The following CNTLN variants were observed in gnomAD, a reference collection of about 807,000 sequenced individuals.
CNTLN encodes the protein centlein, centrosomal protein.
In CNTLN, 212 loss-of-function variants were observed where a neutral mutation model predicts 180.0. The observed-to-expected ratio is 1.18, with a 90% CI of 1.05 to 1.32. The LOEUF (loss-of-function observed/expected upper bound fraction) is 1.32, where lower values mean the gene tolerates loss of function less well. Among genes scored for constraint, CNTLN ranks in the 40% most tolerant of loss-of-function variants. The pLI is 0.00. For synonymous variants in CNTLN, 722 were observed against 563.1 expected, an observed-to-expected ratio of 1.28 and a Z score of -3.99; for missense variants, 2,095 against 1,610.9, an observed-to-expected ratio of 1.30 and a Z score of -5.14.
chr9:17,474,147 C>T (rs1007956326), intron 23 of CNTLN, among the ~76,000 whole-genome samples: 1 of 152,094 alleles, frequency 6.6e-6, no homozygotes, highest in African/African-American at 2.4e-5. Flanking sequence ...ACCTATGACT[C>T]CCTAATATAT....
At chr9:17,359,474 G>A (rs993044952) in intron 12 of CNTLN, among the ~76,000 whole-genome samples, 1 of 151,780 alleles carries the variant, frequency 6.6e-6, no homozygotes, top group Non-Finnish European at 1.5e-5. Context: ...CAGTATATAT[G>A]TCCAGGAAAG....
chr9:17,332,854 G>T (rs1396700846), intron 10 of CNTLN, 124 bp downstream of exon 10: 30 of 541,776 alleles, frequency 5.5e-5, no homozygotes, highest in Non-Finnish European at 8.4e-5. Context: ...CTGTATAAAA[G>T]TGTATAATCA....
At chr9:17,332,990 A>G (rs1820744530) in intron 10 of CNTLN, among the ~76,000 whole-genome samples, 1 of 152,052 alleles carries the variant, frequency 6.6e-6, no homozygotes, top group African/African-American at 2.4e-5. Flanking sequence ...ATTGGGAATA[A>G]ATTTCTTAAC....
At chr9:17,306,232 C>T (rs1036087533) in intron 7 of CNTLN, among the ~76,000 whole-genome samples, 4 of 151,240 alleles carry the variant, frequency 2.6e-5, no homozygotes, top group African/African-American at 9.7e-5. Context: ...TCATTGCAAC[C>T]TCTGCCTCCT....
Position 17,340,945 on chromosome 9 carries a change from G to A in CNTLN, c.1763G>A (p.Gly588Asp), listed in dbSNP as rs768560996. The change falls in exon 11 of 26, where the codon GGC becomes GAC. Residue 588 changes from glycine to aspartate, a missense_variant. Physicochemically the swap from Gly to Asp is moderately conservative, Grantham distance 94. Transcript: ENST00000380647. ...TTAAAACAGTGGGAAGAAGGCAGTG[G>A]CATGTGAGTTACATAGCTCATAAAG... is the stretch of plus-strand genomic sequence containing the variant. ...EQLKQWEEGSGMTEIRKIKRA... is the reference protein window; with the variant it reads ...EQLKQWEEGSDMTEIRKIKRA... 5.0e-6 allele frequency: 8 copies of A among 1,607,706 alleles called. No individual in the cohort carries two copies. In the African/African-American group the frequency reaches 9.4e-5, roughly 19 times the overall value.
At chr9:17,379,250 C>G (rs1825031207) in intron 13 of CNTLN, among the ~76,000 whole-genome samples, 1 of 151,800 alleles carries the variant, frequency 6.6e-6, no homozygotes, top group African/African-American at 2.4e-5. Context: ...TTCTCTAATC[C>G]TTTTGGATGT....
the CNTLN span, among the ~76,000 whole-genome samples, chr9:17,523,665 C>T: frequency 5.3e-5 from 8 of 152,284 alleles, no homozygotes; most frequent in East Asian, 1.2e-3. Flanking sequence ...TTTTATTTAA[C>T]GGTAGAACTG....
intron 5 of CNTLN, among the ~76,000 whole-genome samples, chr9:17,237,631 ATACTATGCCATTT>A (rs1220781747): frequency 6.6e-6 from 1 of 152,102 alleles, no homozygotes; most frequent in Non-Finnish European, 1.5e-5. Flanking sequence ...GTATTTGCAA[ATACTATGCCATTT>A]TATATAAGAG....
chr9:17,367,841 G>T (rs116136555), intron 13 of CNTLN, among the ~76,000 whole-genome samples: 4 of 148,454 alleles, frequency 2.7e-5, no homozygotes. Flanking sequence ...ATAACCAGCA[G>T]CAATACCCAG....
chr9:17,241,437 C>G (rs1825487284), intron 5 of CNTLN, among the ~76,000 whole-genome samples: 1 of 151,980 alleles, frequency 6.6e-6, no homozygotes, highest in Non-Finnish European at 1.5e-5. Flanking sequence ...ATGACAGTAC[C>G]ATGTCATTTT....
intron 2 of CNTLN, among the ~76,000 whole-genome samples, chr9:17,204,701 T>C (rs1309561521): frequency 6.6e-6 from 1 of 152,176 alleles, no homozygotes; most frequent in East Asian, 1.9e-4. Context: ...TAGTGCACTT[T>C]GCTGGGAGAA....
intron 7 of CNTLN, among the ~76,000 whole-genome samples, chr9:17,304,376 T>C (rs1445349352): frequency 1.3e-5 from 2 of 152,182 alleles, no homozygotes; most frequent in East Asian, 1.9e-4. Flanking sequence ...CCTTTATATA[T>C]GTGTATGAAT....
At chr9:17,190,853 CTT>C (rs1180987560) in intron 2 of CNTLN, among the ~76,000 whole-genome samples, 1 of 152,086 alleles carries the variant, frequency 6.6e-6, no homozygotes, top group African/African-American at 2.4e-5. Context: ...AGTTGAAAGA[CTT>C]TTTGGTAAAG....
At chr9:17,298,858 AG>A in intron 7 of CNTLN, 3 of 985,374 alleles carry the variant, frequency 3.0e-6, no homozygotes, top group Non-Finnish European at 3.6e-6. Context: ...TTTACTTTAC[AG>A]TTGTTTTAGG....
At chr9:17,382,079 G>A (rs1825296374) in intron 13 of CNTLN, among the ~76,000 whole-genome samples, 1 of 152,108 alleles carries the variant, frequency 6.6e-6, no homozygotes, top group Admixed American at 6.6e-5. Flanking sequence ...ACCATAGTAT[G>A]ATATAAAATC....
At chr9:17,515,344 A>AT in the CNTLN span, among the ~76,000 whole-genome samples, 1,109 of 152,134 alleles carry the variant, frequency 7.3e-3, 14 homozygotes, top group African/African-American at 0.025. Flanking sequence ...ACTTTTAAGA[A>AT]TTTTTTTTAA....
Position 17,265,267 on chromosome 9 carries a change from T to A in CNTLN, c.850-8466T>A, listed in dbSNP as rs536704866. Among the ~76,000 whole-genome samples, 9 of 152,176 alleles carry A rather than the reference T, an allele frequency of 5.9e-5. No individual in the cohort carries two copies. The South Asian group carries it at 1.9e-3, about 32-fold the overall frequency. On this transcript the variant is annotated intron_variant, in intron 5 of 25. Transcript: ENST00000380647. The stretch of plus-strand genomic sequence containing the variant: ...TAGCATGAAGCATTGTTGAATTTTG[T>A]CAAAGGCCTTTTCTGCATCTTTTGA...
intron 5 of CNTLN, among the ~76,000 whole-genome samples, chr9:17,247,939 T>A (rs551303274): frequency 6.6e-6 from 1 of 150,838 alleles, no homozygotes; most frequent in East Asian, 2.0e-4. Flanking sequence ...CAAACAATCC[T>A]CCAACCTCAA....
intron 18 of CNTLN, among the ~76,000 whole-genome samples, chr9:17,422,107 G>T (rs980589813): frequency 2.6e-5 from 4 of 152,102 alleles, no homozygotes; most frequent in Non-Finnish European, 5.9e-5. Context: ...GCTTTTGTTT[G>T]TGTGGGAAAG....
Sources: allele counts gnomAD v4.1 joint callset (sites outside exome capture counted in the v4.1 genomes callset), GRCh38; gene constraint gnomAD v4.1.1; transcripts MANE v1.5; gene names NCBI Gene and HGNC (gene_info 2026-07-23, HGNC 2026-07-21).